Variants in TMX3 observed in about 807,000 individuals in gnomAD.
TMX3 encodes the protein thioredoxin related transmembrane protein 3, also known as protein disulfide-isomerase TMX3.
In TMX3, 40 loss-of-function variants were observed where a neutral mutation model predicts 64.4. The ratio of observed to expected loss-of-function variants is 0.62; its 90% CI spans 0.48 to 0.81. TMX3 has a LOEUF of 0.81. TMX3 is among the 30% of genes least tolerant of loss of function. The pLI is 0.00. For missense variants in TMX3, 497 were observed against 534.5 expected, an observed-to-expected ratio of 0.93 and a Z score of 0.69; for synonymous variants, 189 against 175.7, an observed-to-expected ratio of 1.08 and a Z score of -0.60.
At position 68,697,275 on chromosome 18, in the gene TMX3, A is replaced by G; in HGVS notation, c.521T>C (p.Leu174Ser). 1.3e-6 allele frequency: 2 copies of G among 1,580,892 alleles called. No homozygotes were observed. The highest frequency in any genetic ancestry group is 1.7e-6 in the Non-Finnish European group (2 of 1,162,496). The change falls in exon 8 of 16, where the codon TTG becomes TCG. Residue 174 changes from leucine (L) to serine (S), a missense_variant. Leu to Ser is a moderately radical substitution (Grantham distance 145). Transcript: ENST00000299608. ...KEKYIDAASELIVYTYFFSAS... is the reference protein window; with the variant it reads ...KEKYIDAASESIVYTYFFSAS... ...AGAAAAGAAGTATGTATATACAATC[A>G]ATTCTGAAGCAGCATCTATGTATTT...
Position 68,698,001 on chromosome 18 carries a change from T to G in TMX3, c.423A>C (p.Gln141His), listed in dbSNP as rs377252546. 1.9e-6 allele frequency: 3 copies of G among 1,611,924 alleles called. No homozygotes were observed. The highest frequency in any genetic ancestry group is 2.5e-6 in the Non-Finnish European group (3 of 1,179,658). Residue 141 changes from glutamine (Q) to histidine (H), a missense_variant, in exon 7 of 16, where the codon CAA becomes CAC. This residue lies in a region of TMX3 where 360 missense variants were observed against 383.5 expected (regional missense o/e 0.94). Coordinates refer to ENST00000299608, the MANE Select transcript of TMX3 (RefSeq NM_019022.5). ...GALIRPLPSQ[Q>H]MFEHMQKRHR... ...GTCTCTTCTGCATATGTTCAAACAT[T>G]TGTTGACTTGGAAGTGGCCGAATTA...
rs1364104517 is a variant in TMX3, at chr18:68,711,467, A to T, written c.102-64T>A. On this transcript the variant is annotated intron_variant, in intron 2 of 15. Coordinates refer to ENST00000299608, the MANE Select transcript of TMX3 (RefSeq NM_019022.5). ...TGTCCACTTTACAACTGTATAGTATAGGCAGAGATAATACATTGATAAATA... is the reference window on the plus strand; with the variant it reads ...TGTCCACTTTACAACTGTATAGTATTGGCAGAGATAATACATTGATAAATA... 55 of 1,148,984 alleles carry T rather than the reference A, an allele frequency of 4.8e-5. No individual in the cohort carries two copies. In the South Asian group the frequency reaches 5.6e-4, roughly 12 times the overall value. 71.2% of individuals were successfully genotyped at this position (1,148,984 alleles called of 1,614,324 possible).
At position 68,713,842 on chromosome 18, in the gene TMX3, T is replaced by G; in HGVS notation, c.101+4A>C. 6.7e-7 allele frequency: 1 copy of G among 1,483,082 alleles called. No homozygotes were observed. The highest frequency in any genetic ancestry group is 9.3e-7 in the Non-Finnish European group (1 of 1,077,276). 91.9% of individuals were successfully genotyped at this position (1,483,082 alleles called of 1,614,324 possible). A position where few individuals can be genotyped will look rare whatever the true frequency, so the allele number is the denominator to read the frequency against. ...ATATTTTAAATATATATATGTATAC[T>G]CACGATTCATCTAAATCTTCTACAA... On this transcript the variant is annotated splice_donor_region_variant and intron_variant, in intron 2 of 15. Transcript: ENST00000299608.
Position 68,676,313 on chromosome 18 carries a change from G to C in TMX3, c.*620C>G, listed in dbSNP as rs79541634. ...CAAGACTTTTTTTCCCCATTATCTA[G>C]GCATATATGAAAATTTTATGATAAT... On this transcript the variant is annotated 3_prime_UTR_variant, in exon 16 of 16. Transcript: ENST00000299608. 6.6e-6 allele frequency: 1 copy of C among 151,934 alleles called. No homozygotes were observed. Among genetic ancestry groups the C allele is most frequent in the Non-Finnish European group, 1.5e-5 (1 of 68,016 alleles). The allele number at this position is 151,934 out of a possible 1,614,324, so 9.4% of individuals were successfully genotyped here.
rs768305806 is a variant in TMX3, at chr18:68,697,907, T to C, written c.492+25A>G. 6.8e-6 allele frequency: 10 copies of C among 1,464,650 alleles called. No individual in the cohort carries two copies. In the South Asian group the frequency reaches 1.2e-4, roughly 17 times the overall value. 90.7% of individuals were successfully genotyped at this position (1,464,650 alleles called of 1,614,324 possible). ...TAAATTAAATTACAATACATCTGTTTTTGTGGATTAAAAAAAAGTCTTACT... is the reference window on the plus strand; with the variant it reads ...TAAATTAAATTACAATACATCTGTTCTTGTGGATTAAAAAAAAGTCTTACT... On this transcript the variant is annotated intron_variant, in intron 7 of 15. Coordinates refer to ENST00000299608, the MANE Select transcript of TMX3 (RefSeq NM_019022.5).
At chr18:68,687,869 T>C (rs1234616086) in intron 9 of TMX3, 104 bp from the exon 10 acceptor site, 2 of 726,362 alleles carry the variant, frequency 2.8e-6, no homozygotes, top group Non-Finnish European at 4.3e-6. Context: ...CAGAGAATCA[T>C]ACTTCCATAA....
intron 8 of TMX3, among the ~76,000 whole-genome samples, chr18:68,693,812 G>T (rs1261708104): frequency 6.6e-6 from 1 of 152,114 alleles, no homozygotes; most frequent in East Asian, 1.9e-4. Flanking sequence ...TACTAGTTCT[G>T]GGTGAAGTCC....
At chr18:68,681,304 G>T in intron 13 of TMX3, 194 bp from the exon 14 acceptor site, 2 of 578,746 alleles carry the variant, frequency 3.5e-6, no homozygotes, top group Non-Finnish European at 4.9e-6. Flanking sequence ...TTTTTAATTT[G>T]TTTGATATTT....
chr18:68,698,970 C>T (rs1294493296), intron 6 of TMX3, among the ~76,000 whole-genome samples: 1 of 149,464 alleles, frequency 6.7e-6, no homozygotes, highest in Non-Finnish European at 1.5e-5. Context: ...TGCAGTGAGC[C>T]GAGACAGCGC....
intron 9 of TMX3, chr18:68,690,901 T>C: frequency 5.5e-6 from 1 of 180,672 alleles, no homozygotes; most frequent in Non-Finnish European, 1.1e-5. Context: ...TAAGGGGAAA[T>C]GCCATTAGGG....
rs774215225 is a variant in TMX3 at position 68,675,233 on chromosome 18, TGGA to T, written c.*1697_*1699del. On this transcript the variant is annotated 3_prime_UTR_variant, in exon 16 of 16. Coordinates refer to ENST00000299608, the MANE Select transcript of TMX3 (RefSeq NM_019022.5). ...TTCCCAAGAATCACTCATCATTCTT[TGGA>T]GAAGAATCTACTTGTTAAATTAACA... 27 of 152,282 alleles carry T rather than the reference TGGA, an allele frequency of 1.8e-4. No individual in the cohort carries two copies. In the East Asian group the frequency reaches 4.2e-3, roughly 24 times the overall value. 9.4% of individuals were successfully genotyped at this position (152,282 alleles called of 1,614,324 possible). A position where few individuals can be genotyped will look rare whatever the true frequency, so the allele number is the denominator to read the frequency against.
chr18:68,697,851 C>T, intron 7 of TMX3, 81 bp downstream of exon 7: 3 of 849,950 alleles, frequency 3.5e-6, no homozygotes, highest in South Asian at 1.6e-5. Flanking sequence ...GTAATAAGTT[C>T]TGCGTTTCTA....
intron 2 of TMX3, among the ~76,000 whole-genome samples, chr18:68,712,000 C>A (rs567900716): frequency 6.6e-6 from 1 of 152,144 alleles, no homozygotes; most frequent in Non-Finnish European, 1.5e-5. Context: ...AACCACCCTG[C>A]GGATCAGAGT....
intron 15 of TMX3, among the ~76,000 whole-genome samples, chr18:68,678,347 A>T (rs896436734): frequency 6.6e-6 from 1 of 152,176 alleles, no homozygotes; most frequent in African/African-American, 2.4e-5. Context: ...TAGGGCTCAA[A>T]CAAATTTAAG....
chr18:68,693,130 C>G (rs1189702952), intron 8 of TMX3, among the ~76,000 whole-genome samples: 3 of 152,180 alleles, frequency 2.0e-5, no homozygotes, highest in African/African-American at 7.2e-5. Context: ...TCCAGAAAAA[C>G]CTTTTGGGAA....
intron 1 of TMX3, 48 bp downstream of exon 1, chr18:68,714,888 C>A (rs1366670731): frequency 2.6e-6 from 4 of 1,547,238 alleles, no homozygotes; most frequent in Non-Finnish European, 2.6e-6. Context: ...CACGGCGGGG[C>A]CAGGTCCCAC....
intron 12 of TMX3, 56 bp from the exon 13 acceptor site, chr18:68,683,037 A>T (rs1226339325): frequency 6.7e-7 from 1 of 1,489,464 alleles, no homozygotes; most frequent in Admixed American, 1.8e-5. Context: ...GGGGGGAGAG[A>T]GAGAGAGAAA....
chr18:68,704,287 G>A (rs930889639), intron 4 of TMX3, among the ~76,000 whole-genome samples: 5 of 152,076 alleles, frequency 3.3e-5, no homozygotes, highest in African/African-American at 4.8e-5. Context: ...TATAACTGGC[G>A]TTAATATTTT....
intron 6 of TMX3, among the ~76,000 whole-genome samples, chr18:68,698,640 C>T (rs1486224395): frequency 6.6e-6 from 1 of 152,042 alleles, no homozygotes; most frequent in Admixed American, 6.5e-5. Context: ...AAATGTTATA[C>T]AAGCATTTTT....
Sources: gnomAD v4.1 joint callset for allele counts (sites outside exome capture counted in the v4.1 genomes callset) on GRCh38, gnomAD v4.1.1 for gene constraint, gnomAD v4.1.1 regional missense constraint, MANE v1.5 for transcripts, NCBI Gene and HGNC (gene_info 2026-07-23, HGNC 2026-07-21) for gene names.